SCML4: variants seen among roughly 807,000 people sequenced by gnomAD.
The protein encoded by SCML4 is sex comb on midleg-like protein 4.
SCML4 carries 34 observed loss-of-function variants against 41.1 expected under a neutral mutation model. The ratio of observed to expected loss-of-function variants is 0.83; its 90% CI spans 0.63 to 1.10. The LOEUF is 1.10. Ranked by LOEUF, SCML4 falls within the 50% of genes least tolerant of loss-of-function variation. The probability of loss-of-function intolerance (pLI) is 0.00; values close to 1 mark genes in which losing one functional copy is unlikely to be tolerated. For synonymous variants in SCML4, 214 were observed against 220.9 expected, an observed-to-expected ratio of 0.97 and a Z score of 0.28; for missense variants, 522 against 534.1, an observed-to-expected ratio of 0.98 and a Z score of 0.22.
At chr6:107,769,126 G>C (rs1431215263) in intron 2 of SCML4, among the ~76,000 whole-genome samples, 2 of 152,224 alleles carry the variant, frequency 1.3e-5, no homozygotes, top group East Asian at 3.9e-4. Flanking sequence ...GTCAGAGTGT[G>C]GCTCTTCATA....
chr6:107,838,203 C>T, the SCML4 span, among the ~76,000 whole-genome samples: 8 of 152,140 alleles, frequency 5.3e-5, no homozygotes, highest in African/African-American at 1.9e-4. Flanking sequence ...CCACCACACC[C>T]AGCCAACCTT....
At chr6:107,750,214 C>A (rs531995020) in intron 2 of SCML4, among the ~76,000 whole-genome samples, 3 of 152,328 alleles carry the variant, frequency 2.0e-5, no homozygotes, top group Non-Finnish European at 2.9e-5. Flanking sequence ...CAGAGACCAA[C>A]CCTTCACTGT....
At chr6:107,752,975 A>G (rs1778812793) in intron 2 of SCML4, among the ~76,000 whole-genome samples, 1 of 152,194 alleles carries the variant, frequency 6.6e-6, no homozygotes, top group Non-Finnish European at 1.5e-5. Context: ...GAGAGGCATT[A>G]GGATCAGTAA....
chr6:107,831,358 T>C, the SCML4 span, among the ~76,000 whole-genome samples: 1 of 127,738 alleles, frequency 7.8e-6, no homozygotes, highest in East Asian at 2.3e-4. Context: ...CCATTGCCTT[T>C]AGAACAAAAC....
rs116036626 is a variant in SCML4, at chr6:107,723,870, A to G, written c.683-2877T>C. On this transcript the variant is annotated intron_variant, in intron 5 of 7. Coordinates refer to ENST00000369020, the MANE Select transcript of SCML4 (RefSeq NM_198081.5). ...CAGACACATCATAAGAAAACTATAG[A>G]CCAATATCTGGTATTCATATGAATG... 5.1e-3 allele frequency among the ~76,000 whole-genome samples: 784 copies of G among 152,270 alleles called. 5 individuals are homozygous for G. The highest frequency in any genetic ancestry group is 0.018 in the African/African-American group (767 of 41,560).
intron 5 of SCML4, among the ~76,000 whole-genome samples, chr6:107,737,294 C>T (rs1034722662): frequency 4.6e-5 from 7 of 152,142 alleles, no homozygotes; most frequent in African/African-American, 7.2e-5. Flanking sequence ...TTACAGGGCA[C>T]CAGAGACCAT....
chr6:107,738,394 G>T (rs998794487), intron 5 of SCML4, among the ~76,000 whole-genome samples: 6 of 151,484 alleles, frequency 4.0e-5, no homozygotes, highest in African/African-American at 1.2e-4. Context: ...GGCCGAAGCG[G>T]GCAGATCACC....
At chr6:107,808,240 C>T (rs1451041326) in intron 1 of SCML4, among the ~76,000 whole-genome samples, 4 of 152,150 alleles carry the variant, frequency 2.6e-5, no homozygotes, top group African/African-American at 9.7e-5. Context: ...TTGTTCTTGG[C>T]AACCACAATG....
chr6:107,747,797 TATC>T, intron 3 of SCML4, among the ~76,000 whole-genome samples: 1 of 152,286 alleles, frequency 6.6e-6, no homozygotes, highest in African/African-American at 2.4e-5. Flanking sequence ...AAGGGTTAGT[TATC>T]ATCAGTAAAA....
chr6:107,823,584 A>G (rs1434137337), intron 1 of SCML4, among the ~76,000 whole-genome samples: 1 of 152,234 alleles, frequency 6.6e-6, no homozygotes, highest in African/African-American at 2.4e-5. Context: ...AAACCAGCAC[A>G]AAGACATGTG....
chr6:107,713,895 T>C (rs1774483796), intron 6 of SCML4, among the ~76,000 whole-genome samples: 2 of 152,188 alleles, frequency 1.3e-5, no homozygotes, highest in Admixed American at 6.5e-5. Context: ...TAGCCCACGA[T>C]TATGGCAAAA....
chr6:107,716,278 T>G (rs968811420), intron 6 of SCML4, among the ~76,000 whole-genome samples: 17 of 152,226 alleles, frequency 1.1e-4, no homozygotes, highest in African/African-American at 3.9e-4. Flanking sequence ...CTTAGAACCT[T>G]GAAAGCCATC....
chr6:107,795,479 G>A (rs1044077097), intron 1 of SCML4, among the ~76,000 whole-genome samples: 1 of 152,022 alleles, frequency 6.6e-6, no homozygotes, highest in Non-Finnish European at 1.5e-5. Flanking sequence ...ATACACCAAC[G>A]TAACTCATTC....
At chr6:107,732,656 G>T (rs1273857651) in intron 5 of SCML4, among the ~76,000 whole-genome samples, 1 of 152,070 alleles carries the variant, frequency 6.6e-6, no homozygotes, top group African/African-American at 2.4e-5. Context: ...GCCTTTCTGT[G>T]CTCTCGGGAG....
intron 6 of SCML4, chr6:107,720,098 T>C (rs1775218504): frequency 6.1e-6 from 6 of 985,434 alleles, no homozygotes; most frequent in Non-Finnish European, 7.2e-6. Context: ...ATCCTGAAGG[T>C]GACACTTCCT....
At chr6:107,830,486 A>T in the SCML4 span, among the ~76,000 whole-genome samples, 4 of 152,216 alleles carry the variant, frequency 2.6e-5, no homozygotes, top group African/African-American at 7.2e-5. Context: ...GAGGGACAAC[A>T]TCAGGGACTT....
intron 1 of SCML4, among the ~76,000 whole-genome samples, chr6:107,795,289 C>A (rs1459381749): frequency 6.6e-6 from 1 of 151,602 alleles, no homozygotes; most frequent in Non-Finnish European, 1.5e-5. Context: ...AATCTAATAG[C>A]CCTTCTTGTA....
chr6:107,779,359 A>G (rs755301448), intron 1 of SCML4, among the ~76,000 whole-genome samples: 1 of 152,072 alleles, frequency 6.6e-6, no homozygotes, highest in Non-Finnish European at 1.5e-5. Flanking sequence ...AAGGTTGGGA[A>G]GGGTAGGAGC....
rs144017855 is a variant in SCML4, at chr6:107,753,092, G to A, written c.157-3279C>T. Among the ~76,000 whole-genome samples, 359 of 152,176 alleles carry A rather than the reference G, an allele frequency of 2.4e-3. 1 individual carries two copies. The highest frequency in any genetic ancestry group is 4.0e-3 in the Non-Finnish European group (272 of 67,984). ...AAAATATTTTTTTGCCCCACAATGC[G>A]ATACCACCTTTCTGGTAGCTGTTAA... On this transcript the variant is annotated intron_variant, in intron 2 of 7. Transcript: ENST00000369020.
Sources: gnomAD v4.1 joint callset for allele counts (sites outside exome capture counted in the v4.1 genomes callset) on GRCh38, gnomAD v4.1.1 for gene constraint, MANE v1.5 for transcripts, NCBI Gene and HGNC (gene_info 2026-07-23, HGNC 2026-07-21) for gene names.